The following NEGR1 variants were observed in gnomAD, a reference collection of about 807,000 sequenced individuals.
The protein encoded by NEGR1 is IgLON family member 4.
Under a neutral mutation model 40.9 loss-of-function variants are expected in NEGR1, and 10 were observed. That is an observed-to-expected ratio of 0.24 (90% CI 0.15 to 0.42). NEGR1 has a LOEUF of 0.42. Ranked by LOEUF, NEGR1 falls within the 10% of genes least tolerant of loss-of-function variation. The pLI, the probability that NEGR1 is intolerant of heterozygous loss-of-function variation, is 1.00. For missense variants in NEGR1, 352 were observed against 438.9 expected (o/e 0.80, Z 1.77); for synonymous variants, 185 against 166.8 (o/e 1.11, Z -0.84).
At chr1:72,119,737 T>C (rs1649726930) in intron 1 of NEGR1, among the ~76,000 whole-genome samples, 1 of 151,944 alleles carries the variant, frequency 6.6e-6, no homozygotes, top group Admixed American at 6.6e-5. Context: ...TAGTGGATAC[T>C]GTTAAATGTC....
intron 6 of NEGR1, among the ~76,000 whole-genome samples, chr1:71,437,911 C>T (rs1646520212): frequency 6.6e-6 from 1 of 152,180 alleles, no homozygotes; most frequent in African/African-American, 2.4e-5. Context: ...TAAATATGCA[C>T]TTCATGAAGC....
At chr1:71,739,199 GAAAAA>G (rs776411417) in intron 3 of NEGR1, among the ~76,000 whole-genome samples, 2 of 63,652 alleles carry the variant, frequency 3.1e-5, no homozygotes, top group African/African-American at 5.5e-5. Context: ...AAGGCAGGCA[GAAAAA>G]AAAAAAAAAA....
intron 4 of NEGR1, among the ~76,000 whole-genome samples, chr1:71,670,333 T>A (rs1489940502): frequency 6.6e-6 from 1 of 152,152 alleles, no homozygotes; most frequent in Non-Finnish European, 1.5e-5. Context: ...TTGAAGATAT[T>A]GTGTGTGTGT....
intron 6 of NEGR1, among the ~76,000 whole-genome samples, chr1:71,425,602 G>C (rs1008844083): frequency 5.3e-5 from 8 of 152,028 alleles, no homozygotes; most frequent in Non-Finnish European, 1.2e-4. Flanking sequence ...TCCATATAGA[G>C]TACAGTAAGA....
chr1:71,523,891 G>A (rs1019669194), intron 6 of NEGR1, among the ~76,000 whole-genome samples: 3 of 151,844 alleles, frequency 2.0e-5, no homozygotes, highest in African/African-American at 4.8e-5. Flanking sequence ...AGTATAGCGA[G>A]AAGCTCTGGG....
intron 1 of NEGR1, among the ~76,000 whole-genome samples, chr1:72,132,075 G>A (rs1227920442): frequency 6.6e-6 from 1 of 151,884 alleles, no homozygotes. Flanking sequence ...CTCCAGCCTC[G>A]GTGAGAGAGC....
chr1:71,615,197 T>A (rs1489777701), intron 4 of NEGR1, among the ~76,000 whole-genome samples: 2 of 152,134 alleles, frequency 1.3e-5, no homozygotes, highest in Non-Finnish European at 2.9e-5. Flanking sequence ...CTTTTGGAAA[T>A]AACTTGTTCA....
intron 2 of NEGR1, among the ~76,000 whole-genome samples, chr1:71,821,598 C>CGTAAT (rs1658432230): frequency 6.6e-6 from 1 of 151,974 alleles, no homozygotes; most frequent in Non-Finnish European, 1.5e-5. Flanking sequence ...AGCCCCACCA[C>CGTAAT]TTGGACCACG....
chr1:72,032,317 G>T (rs1410968096), intron 1 of NEGR1, among the ~76,000 whole-genome samples: 4 of 152,162 alleles, frequency 2.6e-5, no homozygotes, highest in Non-Finnish European at 5.9e-5. Context: ...CAGAGGGGCA[G>T]GAACCAAGAA....
intron 1 of NEGR1, among the ~76,000 whole-genome samples, chr1:71,985,716 A>G (rs567654946): frequency 6.6e-6 from 1 of 152,238 alleles, no homozygotes; most frequent in Non-Finnish European, 1.5e-5. Context: ...TAATGCACAG[A>G]TAAGAAGTAA....
At chr1:72,026,948 C>T (rs868222881) in intron 1 of NEGR1, among the ~76,000 whole-genome samples, 11 of 151,694 alleles carry the variant, frequency 7.3e-5, no homozygotes, top group African/African-American at 2.2e-4. Flanking sequence ...TTTTTTGAGA[C>T]GGAGTCTTGC....
At chr1:72,090,425 C>A (rs1384079077) in intron 1 of NEGR1, among the ~76,000 whole-genome samples, 1 of 149,066 alleles carries the variant, frequency 6.7e-6, no homozygotes, top group Non-Finnish European at 1.5e-5. Flanking sequence ...GCGAAGATTT[C>A]TTTTGTAATT....
chr1:72,200,748 A>T (rs35944729), intron 1 of NEGR1, among the ~76,000 whole-genome samples: 19,657 of 151,994 alleles, frequency 0.13, 1,666 homozygotes, highest in Non-Finnish European at 0.19. Flanking sequence ...AATATTTAGA[A>T]ATTAGAAGTA....
intron 2 of NEGR1, among the ~76,000 whole-genome samples, chr1:71,919,595 T>C (rs1156963691): frequency 2.0e-5 from 3 of 151,676 alleles, no homozygotes; most frequent in East Asian, 1.9e-4. Context: ...AAATTTTGCA[T>C]ATACTCTCGT....
intron 4 of NEGR1, among the ~76,000 whole-genome samples, chr1:71,624,345 T>C (rs1358217265): frequency 1.3e-5 from 2 of 151,982 alleles, no homozygotes; most frequent in African/African-American, 2.4e-5. Flanking sequence ...TAATTGGTCT[T>C]CCTGGTTTTG....
intron 3 of NEGR1, among the ~76,000 whole-genome samples, chr1:71,699,499 T>C (rs541067013): frequency 1.8e-4 from 28 of 151,998 alleles, no homozygotes; most frequent in African/African-American, 6.7e-4. Flanking sequence ...TTCACTATTA[T>C]AACGAAGATA....
At chr1:71,551,262 T>G (rs1294669954) in intron 6 of NEGR1, among the ~76,000 whole-genome samples, 1 of 151,594 alleles carries the variant, frequency 6.6e-6, no homozygotes, top group African/African-American at 2.4e-5. Context: ...TACTTTAGTT[T>G]TGGGGTACGT....
intron 6 of NEGR1, among the ~76,000 whole-genome samples, chr1:71,467,594 T>A (rs1390274651): frequency 6.6e-6 from 1 of 152,070 alleles, no homozygotes; most frequent in African/African-American, 2.4e-5. Context: ...CTATTGATAA[T>A]TAGAGGTTGT....
At chr1:71,628,965 T>C (rs1460145847) in intron 4 of NEGR1, among the ~76,000 whole-genome samples, 2 of 152,050 alleles carry the variant, frequency 1.3e-5, no homozygotes, top group East Asian at 3.9e-4. Flanking sequence ...GTATTTCTAG[T>C]TCTAGATGCT....
Sources: gnomAD v4.1 joint callset for allele counts (sites outside exome capture counted in the v4.1 genomes callset) on GRCh38, gnomAD v4.1.1 for gene constraint, MANE v1.5 for transcripts, NCBI Gene and HGNC (gene_info 2026-07-23, HGNC 2026-07-21) for gene names.